The following CHRM2 variants were observed in gnomAD, a reference collection of about 807,000 sequenced individuals.
CHRM2 encodes muscarinic acetylcholine receptor M2.
CHRM2 carries 8 observed loss-of-function variants against 25.0 expected under a neutral mutation model. The ratio of observed to expected loss-of-function variants is 0.32; its 90% CI spans 0.19 to 0.58. CHRM2 has a LOEUF of 0.58. Among genes scored for constraint, CHRM2 ranks in the 20% least tolerant of loss-of-function variants. CHRM2 has a pLI of 0.88. For synonymous variants in CHRM2, 202 were observed against 205.7 expected, an observed-to-expected ratio of 0.98 and a Z score of 0.15; for missense variants, 440 against 567.1, an observed-to-expected ratio of 0.78 and a Z score of 2.28.
At chr7:136,952,736 C>A in intron 2 of CHRM2, among the ~76,000 whole-genome samples, 1 of 152,100 alleles carries the variant, frequency 6.6e-6, no homozygotes, top group East Asian at 1.9e-4. Flanking sequence ...CAGAACCCTC[C>A]AATAGGCCCC....
In CHRM2 at chr7:136,969,478, C is replaced by T. The variant is rs754215309; in HGVS notation, c.-124-22709C>T. Among the ~76,000 whole-genome samples the T allele has an allele frequency of 2.0e-5, 3 of 152,134 alleles. No homozygotes were observed. The East Asian group carries it at 5.8e-4, about 29-fold the overall frequency. ...TCAAATTTCACCTGTATCTTGCTTACCTCTAGATCCTGAAAGCATCCCAGG... is the reference window on the plus strand; with the variant it reads ...TCAAATTTCACCTGTATCTTGCTTATCTCTAGATCCTGAAAGCATCCCAGG... On this transcript the variant is annotated intron_variant, in intron 2 of 3. Transcript: ENST00000680005.
chr7:136,883,898 C>A (rs1345061233), intron 2 of CHRM2, among the ~76,000 whole-genome samples: 6 of 152,048 alleles, frequency 3.9e-5, no homozygotes, highest in Admixed American at 2.6e-4. Flanking sequence ...GAGAATCAGT[C>A]CTGGTTCAAT....
intron 2 of CHRM2, among the ~76,000 whole-genome samples, chr7:136,888,785 G>T (rs1192745088): frequency 6.6e-6 from 1 of 152,026 alleles, no homozygotes; most frequent in East Asian, 1.9e-4. Context: ...ATTCAATCAC[G>T]CCTGTAATCC....
chr7:136,954,076 G>A (rs149529200), intron 2 of CHRM2, among the ~76,000 whole-genome samples: 54 of 152,232 alleles, frequency 3.5e-4, no homozygotes, highest in Non-Finnish European at 5.7e-4. Flanking sequence ...AGAACTTTGT[G>A]TTCTTCCTTT....
At chr7:136,875,304 A>G (rs1796011958) in intron 2 of CHRM2, among the ~76,000 whole-genome samples, 1 of 152,078 alleles carries the variant, frequency 6.6e-6, no homozygotes, top group South Asian at 2.1e-4. Context: ...TACTTACATG[A>G]TTGTGTGAAT....
At chr7:136,947,265 T>C (rs1348352869) in intron 2 of CHRM2, among the ~76,000 whole-genome samples, 2 of 152,102 alleles carry the variant, frequency 1.3e-5, no homozygotes, top group Admixed American at 1.3e-4. Context: ...AGGAAAAACA[T>C]TAAAAGACAG....
chr7:136,875,136 C>T (rs1796002653), intron 2 of CHRM2, among the ~76,000 whole-genome samples: 1 of 149,184 alleles, frequency 6.7e-6, no homozygotes, highest in Non-Finnish European at 1.5e-5. Context: ...CATATATATA[C>T]ACACACATAC....
intron 2 of CHRM2, among the ~76,000 whole-genome samples, chr7:136,900,965 C>T (rs1797171782): frequency 6.6e-6 from 1 of 151,976 alleles, no homozygotes; most frequent in Non-Finnish European, 1.5e-5. Context: ...GAGCTCCAAT[C>T]AAGGCATGGA....
At chr7:136,991,386 G>A (rs1029869912) in intron 2 of CHRM2, among the ~76,000 whole-genome samples, 1 of 152,108 alleles carries the variant, frequency 6.6e-6, no homozygotes, top group South Asian at 2.1e-4. Context: ...TTGTTGAAAA[G>A]ACTATCTTTG....
intron 2 of CHRM2, among the ~76,000 whole-genome samples, chr7:136,935,485 C>G (rs1037428714): frequency 3.3e-4 from 50 of 151,942 alleles, no homozygotes; most frequent in Admixed American, 5.9e-4. Context: ...GAAGTTTAAA[C>G]AAGAATAAAG....
At chr7:136,908,469 T>C (rs939896041) in intron 2 of CHRM2, among the ~76,000 whole-genome samples, 8 of 152,080 alleles carry the variant, frequency 5.3e-5, no homozygotes, top group South Asian at 2.1e-4. Flanking sequence ...TCTCTGTTAA[T>C]TGGATTTTTA....
At chr7:136,941,871 G>C (rs1799793098) in intron 2 of CHRM2, among the ~76,000 whole-genome samples, 1 of 152,124 alleles carries the variant, frequency 6.6e-6, no homozygotes, top group Non-Finnish European at 1.5e-5. Flanking sequence ...TGTAGGGTCT[G>C]GAGTTAGACA....
At chr7:136,992,725 C>G (rs1156555287) in intron 3 of CHRM2, among the ~76,000 whole-genome samples, 1 of 152,124 alleles carries the variant, frequency 6.6e-6, no homozygotes, top group Non-Finnish European at 1.5e-5. Flanking sequence ...TTGACTGACT[C>G]TCTCTCTCCC....
intron 2 of CHRM2, among the ~76,000 whole-genome samples, chr7:136,917,357 T>C (rs551021760): frequency 6.6e-6 from 1 of 152,096 alleles, no homozygotes; most frequent in Admixed American, 6.6e-5. Context: ...AAGTGATGTG[T>C]GGATAATAAG....
chr7:136,972,472 T>G (rs1801840162), intron 2 of CHRM2, among the ~76,000 whole-genome samples: 2 of 152,166 alleles, frequency 1.3e-5, no homozygotes, highest in Admixed American at 1.3e-4. Flanking sequence ...CACAATATAG[T>G]CTGCTGCTTG....
intron 2 of CHRM2, among the ~76,000 whole-genome samples, chr7:136,958,448 C>CA: frequency 1.1e-5 from 1 of 91,146 alleles, no homozygotes; most frequent in East Asian, 3.1e-4. Context: ...GCAGTGTCAT[C>CA]TTTTTTTTTT....
rs189074483 is a variant in CHRM2 at position 136,971,219 on chromosome 7, A to G, written c.-124-20968A>G. 1.4e-4 allele frequency among the ~76,000 whole-genome samples: 21 copies of G among 152,308 alleles called. No individual in the cohort carries two copies. The East Asian group carries it at 3.9e-3, about 28-fold the overall frequency. ...GGAATGAAAGCATATAGAAGCTAAA[A>G]TAGTTGTCCTCAAGTAACACAGAAA... On this transcript the variant is annotated intron_variant, in intron 2 of 3. Coordinates refer to ENST00000680005, the MANE Select transcript of CHRM2 (RefSeq NM_001006630.2).
chr7:136,964,441 G>A (rs1311824681), intron 2 of CHRM2, among the ~76,000 whole-genome samples: 1 of 152,034 alleles, frequency 6.6e-6, no homozygotes, highest in Non-Finnish European at 1.5e-5. Context: ...TTTTGTCTTT[G>A]GTCCTCAGTT....
At chr7:136,977,836 C>T (rs1802206611) in intron 2 of CHRM2, among the ~76,000 whole-genome samples, 1 of 152,122 alleles carries the variant, frequency 6.6e-6, no homozygotes, top group African/African-American at 2.4e-5. Flanking sequence ...AATGGTATTT[C>T]CTAGGTTTTC....
Sources: allele counts gnomAD v4.1 joint callset (sites outside exome capture counted in the v4.1 genomes callset), GRCh38; gene constraint gnomAD v4.1.1; transcripts MANE v1.5; gene names NCBI Gene and HGNC (gene_info 2026-07-23, HGNC 2026-07-21).